The following CHD8 variants were observed in gnomAD, a reference collection of about 807,000 sequenced individuals.
The protein encoded by CHD8 is chromodomain helicase DNA binding protein 8.
Under a neutral mutation model 279.2 loss-of-function variants are expected in CHD8, and 31 were observed. That is an observed-to-expected ratio of 0.11 (90% confidence interval 0.08 to 0.15). CHD8 has a LOEUF of 0.15. Among genes scored for constraint, CHD8 ranks in the 10% least tolerant of loss-of-function variants. The probability of loss-of-function intolerance (pLI) is 1.00; values close to 1 mark genes in which losing one functional copy is unlikely to be tolerated. For synonymous variants in CHD8, 1,081 were observed against 1,139.6 expected (o/e 0.95, Z 1.04); for missense variants, 2,146 against 3,230.5 (o/e 0.66, Z 8.14).
At chr14:21,416,123 A>G in intron 5 of CHD8, 1 of 422,698 alleles carries the variant, frequency 2.4e-6, no homozygotes, top group African/African-American at 2.0e-5. Context: ...AAGGCCAAGA[A>G]TCCACTGAGA....
chr14:21,397,248 C>G (rs1339661485), intron 27 of CHD8: 1 of 482,058 alleles, frequency 2.1e-6, no homozygotes, highest in Admixed American at 2.0e-5. Context: ...ATTTCTCAGT[C>G]ATGATGGAAT....
At position 21,426,181 on chromosome 14, in the gene CHD8, C is replaced by T; in HGVS notation, c.1663G>A (p.Val555Met). Residue 555 changes from valine to methionine, a missense_variant, in exon 5 of 38, where the codon GTG becomes ATG. By Grantham distance (21) the Val-to-Met change is conservative. Transcript: ENST00000646647. ...KRNTSSDNSD[V>M]EVMPAQSPRE... is the part of the protein sequence containing the mutation. ...GGTGACTGTGCAGGCATGACTTCCA[C>T]ATCTGAATTATCAGATGAGGTATTA... 1.2e-6 allele frequency: 2 copies of T among 1,612,880 alleles called. No homozygotes were observed. The highest frequency in any genetic ancestry group is 1.7e-6 in the Non-Finnish European group (2 of 1,179,044).
intron 5 of CHD8, among the ~76,000 whole-genome samples, chr14:21,422,480 A>AT (rs1000673030): frequency 8.2e-5 from 12 of 145,506 alleles, no homozygotes; most frequent in East Asian, 1.9e-4. Context: ...AATTTCCTTC[A>AT]TTTTTTTTGT....
chr14:21,386,480 C>T (rs543368626), intron 37 of CHD8: 2 of 400,494 alleles, frequency 5.0e-6, no homozygotes, highest in African/African-American at 2.0e-5. Flanking sequence ...AACCATTTCA[C>T]AAATGCTTAC....
chr14:21,437,354 C>T (rs1295041647), intron 1 of CHD8: 69 of 867,718 alleles, frequency 8.0e-5, no homozygotes, highest in Non-Finnish European at 9.4e-5. Context: ...CAAAACAGCG[C>T]AAAGGGTGGG....
In CHD8 at chr14:21,403,495, A is replaced by G. The variant is rs1205883889; in HGVS notation, c.3476T>C (p.Val1159Ala). 6.2e-7 allele frequency: 1 copy of G among 1,613,736 alleles called. No homozygotes were observed. Among genetic ancestry groups the G allele is most frequent in the Non-Finnish European group, 8.5e-7 (1 of 1,179,702 alleles). Residue 1159 changes from valine (V) to alanine (A), a missense_variant, in exon 17 of 38, where the codon GTG becomes GCG. Transcript: ENST00000646647. This position sits in a 1 kb window ranked among gnomAD's most constrained non-coding sequence, Gnocchi z 4.3. ...ATCCTCTAGGATGTCTAGGCAGCGCACCATCTGAGAGAAGATCAGAACTTT... is the reference window on the plus strand; with the variant it reads ...ATCCTCTAGGATGTCTAGGCAGCGCGCCATCTGAGAGAAGATCAGAACTTT... ...GHKVLIFSQM[V>A]RCLDILEDYL...
chr14:21,398,950 C>G (rs1159347094), intron 26 of CHD8: 1 of 422,320 alleles, frequency 2.4e-6, no homozygotes, highest in Non-Finnish European at 4.8e-6. Context: ...AAGACCCTCA[C>G]AGGCAAAACC....
intron 5 of CHD8, among the ~76,000 whole-genome samples, chr14:21,417,243 C>G (rs2139503072): frequency 6.6e-6 from 1 of 152,130 alleles, no homozygotes; most frequent in Admixed American, 6.6e-5. Flanking sequence ...TTGGCAACAC[C>G]CTTTGAACCT....
chr14:21,390,976 G>C lies in CHD8; in HGVS notation c.7153C>G (p.Gln2385Glu). 1 of 1,602,758 alleles carries C rather than the reference G, an allele frequency of 6.2e-7. No individual in the cohort carries two copies. The highest frequency in any genetic ancestry group is 8.5e-7 in the Non-Finnish European group (1 of 1,173,316). ...TTCCCATTTCTAGAGTTAGCTGTCT[G>C]TACTGGTTCCATTCCCAAACAGTTC... ...ELNCLGMEPVQTANSRNGKKG... is the reference protein window; with the variant it reads ...ELNCLGMEPVETANSRNGKKG... Residue 2385 changes from glutamine (Q) to glutamate (E), a missense_variant, in exon 37 of 38, where the codon CAG becomes GAG. By Grantham distance (29) the Gln-to-Glu change is conservative. This residue lies in a region of CHD8 where 336 missense variants were observed against 392.9 expected (regional missense o/e 0.86). Transcript: ENST00000646647.
chr14:21,455,143 T>A (rs549600990), intron 1 of CHD8: 2 of 152,248 alleles, frequency 1.3e-5, no homozygotes, highest in Non-Finnish European at 2.9e-5. Flanking sequence ...CGCTGTTTAT[T>A]CTTTAATAGA....
intron 1 of CHD8, among the ~76,000 whole-genome samples, chr14:21,435,800 T>C (rs1889757713): frequency 6.6e-6 from 1 of 152,228 alleles, no homozygotes; most frequent in African/African-American, 2.4e-5. Context: ...CAAAGCCTTC[T>C]TGGCCAGTGA....
Position 21,394,441 on chromosome 14 carries a change from G to A in CHD8, c.5435C>T (p.Thr1812Met), listed in dbSNP as rs747391704. 8.1e-6 allele frequency: 13 copies of A among 1,612,278 alleles called. No homozygotes were observed. The highest frequency in any genetic ancestry group is 1.7e-5 in the Admixed American group (1 of 59,640). ...GTCAGGGTCATATTCCACACCAAACGTAGACACCACTCGATAAAAATCAGT... is the reference window on the plus strand; with the variant it reads ...GTCAGGGTCATATTCCACACCAAACATAGACACCACTCGATAAAAATCAGT... ...EQTDFYRVVSTFGVEYDPDTM... is the reference protein window; with the variant it reads ...EQTDFYRVVSMFGVEYDPDTM... The change falls in exon 31 of 38, where the codon ACG (threonine) becomes ATG (methionine). Residue 1812 changes from threonine to methionine, a missense_variant. Coordinates refer to ENST00000646647, the MANE Select transcript of CHD8 (RefSeq NM_001170629.2).
Position 21,412,546 on chromosome 14 carries a change from C to T in CHD8, c.2226+367G>A, listed in dbSNP as rs150372025. ...TGATTTGTAGAAAGCTAGGAGCGAGCCTGTAGAAGTATTTTTATATTCACA... is the reference window on the plus strand; with the variant it reads ...TGATTTGTAGAAAGCTAGGAGCGAGTCTGTAGAAGTATTTTTATATTCACA... On this transcript the variant is annotated intron_variant, in intron 10 of 37. Coordinates refer to ENST00000646647, the MANE Select transcript of CHD8 (RefSeq NM_001170629.2). Among the ~76,000 whole-genome samples the T allele has an allele frequency of 5.9e-5, 9 of 152,168 alleles. No homozygotes were observed. The Middle Eastern group carries it at 0.014, about 232-fold the overall frequency.
At chr14:21,453,664 G>A (rs1890310507) in intron 1 of CHD8, among the ~76,000 whole-genome samples, 1 of 151,852 alleles carries the variant, frequency 6.6e-6, no homozygotes, top group African/African-American at 2.4e-5. Flanking sequence ...CGAGAGAAAT[G>A]TTTGTCTTCT....
At chr14:21,449,861 G>A (rs541214643) in intron 1 of CHD8, among the ~76,000 whole-genome samples, 1 of 152,290 alleles carries the variant, frequency 6.6e-6, no homozygotes, top group Non-Finnish European at 1.5e-5. Flanking sequence ...GTAGTGAAAG[G>A]AAGTAACCAC....
Position 21,386,018 on chromosome 14 carries a change from G to A in CHD8, c.7341C>T (p.Phe2447=). 6.3e-7 allele frequency: 1 copy of A among 1,595,496 alleles called. No homozygotes were observed. Among genetic ancestry groups the A allele is most frequent in the East Asian group, 2.3e-5 (1 of 44,272 alleles). The change falls in exon 38 of 38, where the codon TTC becomes TTT. Residue 2447 remains phenylalanine (F), a synonymous_variant. Coordinates refer to ENST00000646647, the MANE Select transcript of CHD8 (RefSeq NM_001170629.2). ...STGSLSLHNT[F]QHSSSGLQSV... is the part of the protein sequence containing the mutation. ...ACTGTAGGCCACTACTGCTGTGTTG[G>A]AACGTGTTATGCAGAGATAGAGACC...
Position 21,399,919 on chromosome 14 carries a change from G to A in CHD8, c.4817+62C>T, listed in dbSNP as rs1331127614. ...CCAAAGATAGCATAAAATGAAATAAGCAAACCAATCTTCCCTCAAATAAGG... is the reference window on the plus strand; with the variant it reads ...CCAAAGATAGCATAAAATGAAATAAACAAACCAATCTTCCCTCAAATAAGG... On this transcript the variant is annotated intron_variant, in intron 25 of 37. Transcript: ENST00000646647. 4 of 1,376,984 alleles carry A rather than the reference G, an allele frequency of 2.9e-6. No homozygotes were observed. In the African/African-American group the frequency reaches 5.7e-5, roughly 20 times the overall value. The allele number at this position is 1,376,984 out of a possible 1,614,324, so 85.3% of individuals were successfully genotyped here.
At chr14:21,397,252 A>G (rs1281236483) in intron 27 of CHD8, 1 of 488,320 alleles carries the variant, frequency 2.0e-6, no homozygotes, top group Admixed American at 2.0e-5. Context: ...CTCAGTCATG[A>G]TGGAATGGGG....
chr14:21,408,574 A>G lies in CHD8; in HGVS notation c.2487-19T>C, dbSNP rs182303868. 256 of 1,461,086 alleles carry G rather than the reference A, an allele frequency of 1.8e-4. 3 individuals carry two copies. The East Asian group carries it at 5.2e-3, about 30-fold the overall frequency. 90.5% of individuals were successfully genotyped at this position (1,461,086 alleles called of 1,614,324 possible). ...GTTCTGCCTGCAGATTCACCATGGG[A>G]AAAAAAAAATGTTAAAAGATACTAT... On this transcript the variant is annotated intron_variant, in intron 12 of 37. Coordinates refer to ENST00000646647, the MANE Select transcript of CHD8 (RefSeq NM_001170629.2). This position sits in a 1 kb window ranked among gnomAD's most constrained non-coding sequence, Gnocchi z 4.3.
Sources: allele counts gnomAD v4.1 joint callset (sites outside exome capture counted in the v4.1 genomes callset), GRCh38; gene constraint gnomAD v4.1.1; regional missense constraint gnomAD v4.1.1; non-coding constraint Gnocchi (gnomAD v3.1); transcripts MANE v1.5; gene names NCBI Gene and HGNC (gene_info 2026-07-23, HGNC 2026-07-21).